Variants in PCDHA2 observed in about 807,000 individuals in gnomAD.
The protein encoded by PCDHA2 is protocadherin alpha 2, also known as protocadherin alpha-2.
In PCDHA2, 58 loss-of-function variants were observed where a neutral mutation model predicts 66.0. That is an observed-to-expected ratio of 0.88 (90% CI 0.71 to 1.09). The LOEUF (loss-of-function observed/expected upper bound fraction) is 1.09, where lower values mean the gene tolerates loss of function less well. PCDHA2 is among the 50% of genes least tolerant of loss of function. The pLI is 0.00. For missense variants in PCDHA2, 1,267 were observed against 1,242.3 expected (o/e 1.02, Z -0.30); for synonymous variants, 634 against 554.0 (o/e 1.14, Z -2.03).
intron 1 of PCDHA2, among the ~76,000 whole-genome samples, chr5:140,974,046 GATA>G (rs1554235775): frequency 6.6e-6 from 1 of 152,184 alleles, no homozygotes; most frequent in African/African-American, 2.4e-5. Context: ...TTATTAATAT[GATA>G]ATATTTGGAG....
At chr5:140,937,446 G>A (rs1330877546) in intron 1 of PCDHA2, among the ~76,000 whole-genome samples, 1 of 152,088 alleles carries the variant, frequency 6.6e-6, no homozygotes, top group Non-Finnish European at 1.5e-5. Context: ...TATTTTAAAA[G>A]TTTAATTTTA....
intron 1 of PCDHA2, among the ~76,000 whole-genome samples, chr5:140,911,275 G>C (rs1048648150): frequency 2.0e-5 from 3 of 152,164 alleles, no homozygotes; most frequent in African/African-American, 7.2e-5. Context: ...AGTGTCCCCA[G>C]CTTCATCAGG....
chr5:140,801,805 A>G (rs2149953968), intron 1 of PCDHA2: 1 of 1,614,122 alleles, frequency 6.2e-7, no homozygotes, highest in South Asian at 1.1e-5. Context: ...TTAAATCGAG[A>G]GGACACTCCT....
At chr5:140,849,627 G>C in intron 1 of PCDHA2, 1 of 1,598,784 alleles carries the variant, frequency 6.3e-7, no homozygotes, top group Non-Finnish European at 8.6e-7. Context: ...GATCGACCTA[G>C]ACGCAGATGC....
At chr5:140,943,501 T>C (rs1235998322) in intron 1 of PCDHA2, among the ~76,000 whole-genome samples, 1 of 152,088 alleles carries the variant, frequency 6.6e-6, no homozygotes, top group Non-Finnish European at 1.5e-5. Flanking sequence ...GCTATCAAGG[T>C]TCATGGAAAT....
At chr5:140,893,612 T>C (rs1455928353) in intron 1 of PCDHA2, among the ~76,000 whole-genome samples, 1 of 152,240 alleles carries the variant, frequency 6.6e-6, no homozygotes, top group Non-Finnish European at 1.5e-5. Flanking sequence ...CCTTCATTTC[T>C]GAAGTATAGC....
intron 1 of PCDHA2, among the ~76,000 whole-genome samples, chr5:140,963,203 AAAAC>A (rs1457721166): frequency 6.6e-6 from 1 of 152,100 alleles, no homozygotes; most frequent in African/African-American, 2.4e-5. Context: ...AATGAAAAAA[AAAAC>A]CTCGTGTTTA....
intron 1 of PCDHA2, among the ~76,000 whole-genome samples, chr5:140,904,904 C>A (rs1463349424): frequency 6.6e-6 from 1 of 151,948 alleles, no homozygotes; most frequent in Non-Finnish European, 1.5e-5. Context: ...GTTTTTCTTA[C>A]TGATTTGTTT....
intron 1 of PCDHA2, chr5:140,834,510 A>C: frequency 1.2e-6 from 2 of 1,614,108 alleles, no homozygotes; most frequent in Non-Finnish European, 1.7e-6. Flanking sequence ...TAAACATGGC[A>C]ACTTCGTGGG....
chr5:140,936,448 T>A (rs1477787930), intron 1 of PCDHA2, among the ~76,000 whole-genome samples: 1 of 152,210 alleles, frequency 6.6e-6, no homozygotes, highest in Non-Finnish European at 1.5e-5. Context: ...AATAACCACA[T>A]CTGTTTAGTG....
chr5:140,802,989 G>T, intron 1 of PCDHA2: 2 of 1,614,030 alleles, frequency 1.2e-6, no homozygotes, highest in Non-Finnish European at 1.7e-6. Context: ...GCGCGCAGTG[G>T]ATGCAGACTC....
rs375261398 is a variant in PCDHA2 at position 140,910,786 on chromosome 5, A to G, written c.2389-68163A>G. On this transcript the variant is annotated intron_variant, in intron 1 of 3. Transcript: ENST00000526136. ...TAAACTCCCCAAGCTGCAACATTAA[A>G]TGCAGAATCCCTGCTTAGTGGGCCC... is the stretch of plus-strand genomic sequence containing the variant. 2.6e-3 allele frequency among the ~76,000 whole-genome samples: 391 copies of G among 152,326 alleles called. 2 individuals are homozygous for G. Among genetic ancestry groups the G allele is most frequent in the African/African-American group, 9.1e-3 (380 of 41,560 alleles).
chr5:140,978,150 C>T (rs1009630892), intron 1 of PCDHA2, among the ~76,000 whole-genome samples: 2 of 152,286 alleles, frequency 1.3e-5, no homozygotes, highest in South Asian at 4.2e-4. Context: ...TTGTTCTCCC[C>T]CTTCAGACTG....
At chr5:140,968,529 C>T in intron 1 of PCDHA2, 1 of 1,614,206 alleles carries the variant, frequency 6.2e-7, no homozygotes, top group Non-Finnish European at 8.5e-7. Flanking sequence ...ACCAACTCGT[C>T]AGCAGCCTTC....
At chr5:140,884,104 G>C in intron 1 of PCDHA2, 1 of 1,613,464 alleles carries the variant, frequency 6.2e-7, no homozygotes, top group African/African-American at 1.3e-5. Flanking sequence ...ATGAATTGCA[G>C]CTGGCGGCGG....
chr5:140,836,661 T>C (rs2150267176), intron 1 of PCDHA2: 1 of 1,613,416 alleles, frequency 6.2e-7, no homozygotes, highest in Non-Finnish European at 8.5e-7. Context: ...GAGGGTGTGC[T>C]CTGGGGAGGG....
In PCDHA2 at chr5:140,857,214, C is replaced by T. The variant is rs193920994; in HGVS notation, c.2388+59862C>T. ...AACGGACAGGTCACCTGCTCTCTGA[C>T]GCCTCACGTTCCGTTCAAGCTGGTG... is the stretch of plus-strand genomic sequence containing the variant. On this transcript the variant is annotated intron_variant, in intron 1 of 3. Transcript: ENST00000526136. 5 of 1,598,500 alleles carry T rather than the reference C, an allele frequency of 3.1e-6. 1 individual carries two copies. Among genetic ancestry groups the T allele is most frequent in the Non-Finnish European group, 3.4e-6 (4 of 1,167,936 alleles).
intron 1 of PCDHA2, among the ~76,000 whole-genome samples, chr5:140,973,136 C>G (rs2096573800): frequency 6.6e-6 from 1 of 152,168 alleles, no homozygotes; most frequent in Admixed American, 6.5e-5. Context: ...TTTGCATTCA[C>G]TTTCACTTAT....
Position 141,009,965 on chromosome 5 carries a change from G to A in PCDHA2, c.*28G>A, listed in dbSNP as rs782001097. On this transcript the variant is annotated 3_prime_UTR_variant, in exon 4 of 4. Coordinates refer to ENST00000526136, the MANE Select transcript of PCDHA2 (RefSeq NM_018905.3). ...TCCTCAAATGGAAACAAGCCACTTA[G>A]CCAGTTTTTGTAATAATGGCAAATC... is the stretch of plus-strand genomic sequence containing the variant. 1.6e-5 allele frequency: 26 copies of A among 1,587,906 alleles called. No individual in the cohort carries two copies. Among genetic ancestry groups the A allele is most frequent in the Non-Finnish European group, 2.6e-6 (3 of 1,170,436 alleles).
Sources: allele counts gnomAD v4.1 joint callset (sites outside exome capture counted in the v4.1 genomes callset), GRCh38; gene constraint gnomAD v4.1.1; transcripts MANE v1.5; gene names NCBI Gene and HGNC (gene_info 2026-07-23, HGNC 2026-07-21).